RBM10: variants seen among roughly 807,000 people sequenced by gnomAD.
RBM10 encodes the protein RNA binding motif protein 10.
Under a neutral mutation model 84.9 loss-of-function variants are expected in RBM10, and 1 was observed. The observed-to-expected ratio is 0.01, with a 90% CI of 0.00 to 0.06. The LOEUF (loss-of-function observed/expected upper bound fraction) is 0.06, where lower values mean the gene tolerates loss of function less well. Among genes scored for constraint, RBM10 ranks in the 10% least tolerant of loss-of-function variants. RBM10 has a pLI of 1.00. For missense variants in RBM10, 438 were observed against 839.0 expected, an observed-to-expected ratio of 0.52 and a Z score of 5.90; for synonymous variants, 326 against 344.5, an observed-to-expected ratio of 0.95 and a Z score of 0.60.
intron 2 of RBM10, among the ~76,000 whole-genome samples, chrX:47,162,671 C>T (rs184507601): frequency 1.8e-5 from 2 of 109,454 alleles, no homozygotes; most frequent in Middle Eastern, 4.7e-3. Context: ...GTCAGGAGAT[C>T]GAGACCAGCC....
At chrX:47,181,155 TCC>T in intron 12 of RBM10, 58 bp from the exon 13 acceptor site, 1 of 131,793 alleles carries the variant, frequency 7.6e-6, no homozygotes, top group East Asian at 2.9e-4. Context: ...TCTAGCAGGT[TCC>T]CCACCCCCCA....
chrX:47,152,441 CT>C (rs782688935), intron 2 of RBM10, among the ~76,000 whole-genome samples: 81 of 65,237 alleles, frequency 1.2e-3, no homozygotes, highest in African/African-American at 2.6e-3. Flanking sequence ...CACTCTATAT[CT>C]TTTTTTTTTT....
chrX:47,167,813 C>T (rs1053824454), intron 2 of RBM10, among the ~76,000 whole-genome samples: 33 of 111,865 alleles, frequency 2.9e-4, no homozygotes, highest in Non-Finnish European at 6.0e-4. Flanking sequence ...TAATTTGTAC[C>T]CAGCATCCTT....
chrX:47,149,359 T>G (rs1556762954), intron 2 of RBM10, among the ~76,000 whole-genome samples: 1 of 108,768 alleles, frequency 9.2e-6, no homozygotes, highest in Non-Finnish European at 1.9e-5. Context: ...TGTTTTGTTT[T>G]GTTTTGTTTC....
At chrX:47,165,865 C>T (rs1445675556) in intron 2 of RBM10, among the ~76,000 whole-genome samples, 5 of 109,768 alleles carry the variant, frequency 4.6e-5, no homozygotes, top group Non-Finnish European at 7.6e-5. Context: ...ACTAAAAATA[C>T]AAAAATTATC....
intron 6 of RBM10, 39 bp from the exon 7 acceptor site, chrX:47,176,461 T>C (rs2147155643): frequency 8.3e-7 from 1 of 1,210,463 alleles, no homozygotes; most frequent in Non-Finnish European, 1.1e-6. Flanking sequence ...CGTGGGGCAC[T>C]GCTGCCTGGA....
intron 12 of RBM10, among the ~76,000 whole-genome samples, chrX:47,180,871 C>T (rs1232532523): frequency 3.6e-5 from 4 of 110,848 alleles, no homozygotes; most frequent in African/African-American, 1.3e-4. Flanking sequence ...ATAAAAATAA[C>T]GTATAAGTGG....
At chrX:47,169,249 T>C in intron 2 of RBM10, 66 bp from the exon 3 acceptor site, 1 of 1,078,273 alleles carries the variant, frequency 9.3e-7, no homozygotes, top group Non-Finnish European at 1.3e-6. Context: ...ACACATCACC[T>C]GGGCCTCTTG....
chrX:47,162,187 G>A (rs1327640558), intron 2 of RBM10, among the ~76,000 whole-genome samples: 1 of 112,331 alleles, frequency 8.9e-6, no homozygotes, highest in Non-Finnish European at 1.9e-5. Flanking sequence ...TTTTGTACAT[G>A]TGCAAGTATG....
rs782058256 is a variant in RBM10, at chrX:47,147,438, G to C, written c.-44G>C. 1 of 1,210,607 alleles carries C rather than the reference G, an allele frequency of 8.3e-7. No homozygotes were observed. Among genetic ancestry groups the C allele is most frequent in the Non-Finnish European group, 1.1e-6 (1 of 894,511 alleles). On this transcript the variant is annotated 5_prime_UTR_variant, in exon 2 of 24. Coordinates refer to ENST00000377604, the MANE Select transcript of RBM10 (RefSeq NM_005676.5). Reference sequence around the variant, plus strand: ...GGCTGGGAAGTGAAACGGAGCCAGCGGCTGAGGAGGGGCCCCAGCAGCCCC... The same window carrying C: ...GGCTGGGAAGTGAAACGGAGCCAGCCGCTGAGGAGGGGCCCCAGCAGCCCC...
intron 2 of RBM10, among the ~76,000 whole-genome samples, chrX:47,152,777 A>G (rs1556764041): frequency 4.9e-5 from 2 of 40,431 alleles, no homozygotes; most frequent in East Asian, 5.6e-4. Flanking sequence ...TTACATAGAC[A>G]CACACACACA....
At chrX:47,153,466 G>C (rs1016596593) in intron 2 of RBM10, among the ~76,000 whole-genome samples, 3 of 110,258 alleles carry the variant, frequency 2.7e-5, no homozygotes, top group African/African-American at 9.9e-5. Flanking sequence ...TTGAAAGCAT[G>C]TTTTAAAGTT....
rs1932014019 is a variant in RBM10 at position 47,145,349 on chromosome X, C to G, written c.-262C>G. The G allele has an allele frequency of 2.1e-6, 2 of 943,855 alleles. No individual in the cohort carries two copies. The highest frequency in any genetic ancestry group is 2.9e-6 in the Non-Finnish European group (2 of 679,933). 77.8% of individuals were successfully genotyped at this position (943,855 alleles called of 1,213,427 possible). On this transcript the variant is annotated 5_prime_UTR_variant, in exon 1 of 24. Transcript: ENST00000377604. ...AGGGCAGCGCGCTTGGCGCTTCTCCCCTCCCCCCGATCTGCCTCCAGTCTC... is the reference window on the plus strand; with the variant it reads ...AGGGCAGCGCGCTTGGCGCTTCTCCGCTCCCCCCGATCTGCCTCCAGTCTC...
chrX:47,179,599 C>T lies in RBM10; in HGVS notation c.901+104C>T, dbSNP rs782369442. On this transcript the variant is annotated intron_variant, in intron 9 of 23. Coordinates refer to ENST00000377604, the MANE Select transcript of RBM10 (RefSeq NM_005676.5). ...CAGGACCTCATCCTCATGGAATCTC[C>T]ACTTGGTGCGGGGATAGACATTTGA... is the stretch of plus-strand genomic sequence containing the variant. 3.1e-4 allele frequency: 295 copies of T among 943,206 alleles called. 1 individual carries two copies. In the African/African-American group the frequency reaches 5.2e-3, roughly 17 times the overall value. The allele number at this position is 943,206 out of a possible 1,213,427, so 77.7% of individuals were successfully genotyped here.
intron 2 of RBM10, among the ~76,000 whole-genome samples, chrX:47,155,594 G>A (rs915678777): frequency 9.4e-6 from 1 of 106,354 alleles, no homozygotes; most frequent in African/African-American, 3.4e-5. Flanking sequence ...TTAGCCGGCT[G>A]TGGTGGCGGG....
At chrX:47,172,605 CAT>C (rs1934754677) in intron 4 of RBM10, among the ~76,000 whole-genome samples, 1 of 112,766 alleles carries the variant, frequency 8.9e-6, no homozygotes, top group South Asian at 3.6e-4. Context: ...TTGCTACAGT[CAT>C]GGTCTAGGGC....
chrX:47,175,218 C>G, intron 6 of RBM10, 126 bp downstream of exon 6: 1 of 517,500 alleles, frequency 1.9e-6, no homozygotes, highest in South Asian at 2.5e-5. Context: ...CCCCCGCCCC[C>G]TCTCTCCCCT....
chrX:47,175,339 C>T (rs868986611), intron 6 of RBM10, among the ~76,000 whole-genome samples: 1 of 109,634 alleles, frequency 9.1e-6, no homozygotes, highest in African/African-American at 3.3e-5. Context: ...TAGTGCTGCC[C>T]CTTCACCTCT....
At chrX:47,183,409 T>A (rs1556780731) in intron 17 of RBM10, among the ~76,000 whole-genome samples, 1 of 110,418 alleles carries the variant, frequency 9.1e-6, no homozygotes, top group African/African-American at 3.3e-5. Context: ...TAATCCCGGC[T>A]ACTCAGGAAG....
Sources: gnomAD v4.1 joint callset for allele counts (sites outside exome capture counted in the v4.1 genomes callset) on GRCh38, gnomAD v4.1.1 for gene constraint, MANE v1.5 for transcripts, NCBI Gene and HGNC (gene_info 2026-07-23, HGNC 2026-07-21) for gene names.